DLST: variants seen among roughly 807,000 people sequenced by gnomAD.
DLST encodes dihydrolipoyllysine-residue succinyltransferase component of 2-oxoglutarate dehydrogenase complex, mitochondrial.
DLST carries 17 observed loss-of-function variants against 53.1 expected under a neutral mutation model. That is an observed-to-expected ratio of 0.32 (90% CI 0.22 to 0.48). The LOEUF (loss-of-function observed/expected upper bound fraction) is 0.48. DLST is among the 20% of genes least tolerant of loss of function. DLST has a pLI of 0.99. For synonymous variants in DLST, 206 were observed against 204.8 expected, an observed-to-expected ratio of 1.01 and a Z score of -0.05; for missense variants, 512 against 583.9, an observed-to-expected ratio of 0.88 and a Z score of 1.27.
intron 6 of DLST, 68 bp from the exon 7 acceptor site, chr14:74,890,988 T>G (rs1290033645): frequency 6.4e-7 from 1 of 1,559,992 alleles, no homozygotes; most frequent in Non-Finnish European, 8.7e-7. Flanking sequence ...TCATTGGAGA[T>G]TCTATACAGC....
chr14:74,889,193 CAATT>C (rs747212553), intron 4 of DLST, 46 bp downstream of exon 4: 11 of 1,609,360 alleles, frequency 6.8e-6, no homozygotes, highest in African/African-American at 4.0e-5. Flanking sequence ...GGAAGAGCAA[CAATT>C]GATTGAGTTT....
At chr14:74,884,468 T>A (rs1883636458) in intron 2 of DLST, among the ~76,000 whole-genome samples, 1 of 152,198 alleles carries the variant, frequency 6.6e-6, no homozygotes, top group East Asian at 1.9e-4. Flanking sequence ...GGCTAGTCGC[T>A]TAACCTCCAA....
At chr14:74,901,720 T>G (rs1376216838) in intron 14 of DLST, among the ~76,000 whole-genome samples, 1 of 152,224 alleles carries the variant, frequency 6.6e-6, no homozygotes, top group African/African-American at 2.4e-5. Context: ...TTCTGGGAAC[T>G]CCTGTGTTTA....
chr14:74,885,707 C>T (rs1209504156), intron 3 of DLST, 73 bp downstream of exon 3: 5 of 1,437,150 alleles, frequency 3.5e-6, no homozygotes, highest in South Asian at 1.3e-5. Context: ...CTAAATTTGA[C>T]CATCTGATTT....
At position 74,883,152 on chromosome 14, in the gene DLST, G is replaced by C. The variant is rs560962236; in HGVS notation, c.97+528G>C. Among the ~76,000 whole-genome samples, 3 of 152,278 alleles carry C rather than the reference G, an allele frequency of 2.0e-5. No homozygotes were observed. In the East Asian group the frequency reaches 5.8e-4, roughly 29 times the overall value. ...TACTAAAAAATACAAAAAATTAGCC[G>C]GGCGTGGTGGCAGGCGCCTGTAGTC... On this transcript the variant is annotated intron_variant, in intron 2 of 14. Transcript: ENST00000334220.
intron 7 of DLST, chr14:74,891,626 G>C (rs926491083): frequency 1.0e-6 from 1 of 985,892 alleles, no homozygotes; most frequent in Non-Finnish European, 1.2e-6. Context: ...CTCTAGGAAG[G>C]GTTGGTATTT....
intron 14 of DLST, 144 bp from the exon 15 acceptor site, chr14:74,902,052 T>C: frequency 1.1e-6 from 1 of 915,532 alleles, no homozygotes. Flanking sequence ...GTCCTGGTCT[T>C]TGAAATACTG....
chr14:74,882,122 A>T, intron 1 of DLST, 106 bp downstream of exon 1: 1 of 1,099,566 alleles, frequency 9.1e-7, no homozygotes, highest in Non-Finnish European at 1.2e-6. Flanking sequence ...CCGGGCACCA[A>T]GGGCACTGGG....
At chr14:74,893,021 A>C in intron 8 of DLST, 35 bp downstream of exon 8, 1 of 1,597,528 alleles carries the variant, frequency 6.3e-7, no homozygotes, top group Non-Finnish European at 8.5e-7. Context: ...ATGTGGGAGA[A>C]CATCTCGTCT....
At position 74,898,451 on chromosome 14, in the gene DLST, G is replaced by A. The variant is rs1566794947; in HGVS notation, c.853G>A (p.Val285Met). Residue 285 changes from valine (V) to methionine (M), a missense_variant, in exon 11 of 15, where the codon GTG (valine) becomes ATG (methionine). Transcript: ENST00000334220. ...NLKLGFMSAF[V>M]KASAFALQEQ... Reference sequence around the variant, plus strand: ...CAAACTAGGCTTCATGTCGGCATTTGTGAAGGCCTCAGCCTTTGCCTTGCA... The same window carrying A: ...CAAACTAGGCTTCATGTCGGCATTTATGAAGGCCTCAGCCTTTGCCTTGCA... The A allele has an allele frequency of 6.2e-7, 1 of 1,614,134 alleles. No homozygotes were observed. The highest frequency in any genetic ancestry group is 2.2e-5 in the East Asian group (1 of 44,884).
At chr14:74,894,799 G>A (rs532074479) in intron 10 of DLST, among the ~76,000 whole-genome samples, 16 of 151,664 alleles carry the variant, frequency 1.1e-4, no homozygotes, top group East Asian at 3.9e-4. Context: ...TGCCCTTCTC[G>A]GCCTCCCAAA....
chr14:74,886,854 G>T (rs928749952), intron 3 of DLST, among the ~76,000 whole-genome samples: 2 of 151,494 alleles, frequency 1.3e-5, no homozygotes, highest in Non-Finnish European at 2.9e-5. Flanking sequence ...CAATTCTCCT[G>T]CCTCAGCCTC....
intron 3 of DLST, among the ~76,000 whole-genome samples, chr14:74,887,655 A>AAG (rs1409422912): frequency 1.3e-5 from 2 of 152,194 alleles, no homozygotes; most frequent in Non-Finnish European, 2.9e-5. Context: ...CTTGTCCTCT[A>AAG]GCCCCCCGAA....
At chr14:74,896,106 G>A (rs1235340161) in intron 10 of DLST, among the ~76,000 whole-genome samples, 3 of 152,116 alleles carry the variant, frequency 2.0e-5, no homozygotes, top group East Asian at 3.9e-4. Context: ...CCATCCTCCT[G>A]CTTTGGTCTC....
chr14:74,887,467 C>A (rs894281897), intron 3 of DLST, among the ~76,000 whole-genome samples: 2 of 152,174 alleles, frequency 1.3e-5, no homozygotes, highest in Non-Finnish European at 2.9e-5. Context: ...AATCATGTCA[C>A]CCTAATCCAG....
chr14:74,891,133 A>G lies in DLST; in HGVS notation c.408A>G (p.Gly136=), dbSNP rs1362454797. The G allele has an allele frequency of 3.1e-6, 5 of 1,614,158 alleles. No homozygotes were observed. Among genetic ancestry groups the G allele is most frequent in the Admixed American group, 1.7e-5 (1 of 60,030 alleles). ...TACCTGATGGGGGAAAAGTCGAAGG[A>G]GGCACTCCACTTTTCACACTCAGGA... ...LLVPDGGKVE[G]GTPLFTLRKT... Residue 136 remains glycine (G), a synonymous_variant, in exon 7 of 15, where the codon GGA becomes GGG. Coordinates refer to ENST00000334220, the MANE Select transcript of DLST (RefSeq NM_001933.5).
intron 5 of DLST, 166 bp downstream of exon 5, chr14:74,889,515 C>T (rs1883827318): frequency 6.5e-6 from 4 of 613,762 alleles, no homozygotes; most frequent in South Asian, 4.3e-5. Flanking sequence ...ATTACAGGTG[C>T]CCACCACCAT....
Position 74,902,282 on chromosome 14 carries a change from A to G in DLST, c.1314A>G (p.Lys438=). ...DGREAVTFLR[K]IKAAVEDPRV... is the part of the protein sequence containing the mutation. The stretch of plus-strand genomic sequence containing the variant: ...GAGAGGCTGTGACTTTCCTCCGCAA[A>G]ATCAAGGCAGCGGTAGAGGATCCCA... The change falls in exon 15 of 15, where the codon AAA becomes AAG. Residue 438 remains lysine, a synonymous_variant. Coordinates refer to ENST00000334220, the MANE Select transcript of DLST (RefSeq NM_001933.5). The G allele has an allele frequency of 6.2e-7, 1 of 1,613,330 alleles. No individual in the cohort carries two copies. The highest frequency in any genetic ancestry group is 1.1e-5 in the South Asian group (1 of 91,020).
Position 74,892,771 on chromosome 14 carries a change from A to AT in DLST, c.443-59dup, listed in dbSNP as rs1566792429. Reference sequence around the variant, plus strand: ...TTGGAGCTAGAGTTTTTGCCACTAAATTTTGCTTGGTTGCTTCTCATTTCA... The same window carrying AT: ...TTGGAGCTAGAGTTTTTGCCACTAAATTTTTGCTTGGTTGCTTCTCATTTCA... On this transcript the variant is annotated intron_variant, in intron 7 of 14. Transcript: ENST00000334220. The AT allele has an allele frequency of 2.6e-6, 4 of 1,522,776 alleles. No homozygotes were observed. The East Asian group carries it at 9.1e-5, about 35-fold the overall frequency. 94.3% of individuals were successfully genotyped at this position (1,522,776 alleles called of 1,614,324 possible). A position where few individuals can be genotyped will look rare whatever the true frequency, so the allele number is the denominator to read the frequency against.
Sources: allele counts gnomAD v4.1 joint callset (sites outside exome capture counted in the v4.1 genomes callset), GRCh38; gene constraint gnomAD v4.1.1; transcripts MANE v1.5; gene names NCBI Gene and HGNC (gene_info 2026-07-23, HGNC 2026-07-21).